Variants in CUBN observed in about 807,000 individuals in gnomAD.
CUBN encodes the protein cubilin.
Under a neutral mutation model 405.3 loss-of-function variants are expected in CUBN, and 282 were observed. That is an observed-to-expected ratio of 0.70 (90% CI 0.63 to 0.77). CUBN has a LOEUF of 0.77. Among genes scored for constraint, CUBN ranks in the 30% least tolerant of loss-of-function variants. CUBN has a pLI of 0.00. For missense variants in CUBN, 4,514 were observed against 4,475.2 expected (o/e 1.01, Z -0.25); for synonymous variants, 1,684 against 1,617.0 (o/e 1.04, Z -0.99).
At chr10:16,933,972 G>A (rs1842429326) in intron 39 of CUBN, among the ~76,000 whole-genome samples, 1 of 152,194 alleles carries the variant, frequency 6.6e-6, no homozygotes, top group South Asian at 2.1e-4. Flanking sequence ...CCCAGGTCCT[G>A]TGAAGACAAG....
At chr10:16,986,238 G>A (rs1440846745) in intron 29 of CUBN, among the ~76,000 whole-genome samples, 1 of 152,160 alleles carries the variant, frequency 6.6e-6, no homozygotes, top group African/African-American at 2.4e-5. Context: ...GGCTCTCAGG[G>A]GGATCTGGGC....
At chr10:17,069,027 C>T (rs373587229) in intron 19 of CUBN, among the ~76,000 whole-genome samples, 1 of 152,126 alleles carries the variant, frequency 6.6e-6, no homozygotes, top group East Asian at 1.9e-4. Context: ...ACATTTCAAA[C>T]AAAATGGGAT....
intron 23 of CUBN, among the ~76,000 whole-genome samples, 183 bp from the exon 24 acceptor site, chr10:17,046,277 T>C (rs967770379): frequency 6.6e-6 from 1 of 152,198 alleles, no homozygotes; most frequent in East Asian, 1.9e-4. Flanking sequence ...AAAATCATAT[T>C]TGAATGACTT....
At chr10:16,995,372 T>G (rs765616773) in intron 28 of CUBN, among the ~76,000 whole-genome samples, 3 of 152,256 alleles carry the variant, frequency 2.0e-5, no homozygotes, top group Admixed American at 6.5e-5. Flanking sequence ...CTTTCATCTA[T>G]AGCTGTATGA....
chr10:16,935,858 C>T (rs7085171), intron 39 of CUBN, among the ~76,000 whole-genome samples: 28,456 of 124,642 alleles, frequency 0.23, 2,993 homozygotes, highest in East Asian at 0.31. Flanking sequence ...CCAGCCTGGG[C>T]GACAGAGCGA....
rs1463103178 is a variant in CUBN at position 16,918,635 on chromosome 10, G to A, written c.6987C>T (p.Ala2329=). Residue 2329 remains alanine, a synonymous_variant, in exon 45 of 67, where the codon GCC becomes GCT. Transcript: ENST00000377833. ...AAAAATTATTACCTATAGAATACTT[G>A]GCCTTGAATCCCACATGTGTGGGGC... ...DNSPTHVGFK[A]KYSIAQCGGR... The A allele has an allele frequency of 6.2e-7, 1 of 1,613,264 alleles. No individual in the cohort carries two copies. Among genetic ancestry groups the A allele is most frequent in the South Asian group, 1.1e-5 (1 of 91,032 alleles).
At position 16,925,242 on chromosome 10, in the gene CUBN, T is replaced by A. The variant is rs1457176932; in HGVS notation, c.6645A>T (p.Leu2215Phe). The change falls in exon 43 of 67, where the codon TTA becomes TTT. Residue 2215 changes from leucine to phenylalanine, a missense_variant and splice_region_variant. By Grantham distance (22) the Leu-to-Phe change is conservative. Coordinates refer to ENST00000377833, the MANE Select transcript of CUBN (RefSeq NM_001081.4). The stretch of plus-strand genomic sequence containing the variant: ...ATAATTCTCAGTGAAAATACTTACC[T>A]AAACTCTTTGCCTCATATTTGATTT... ...GFKIKYEAKS[L>F]ACGGNVYIHD... 1 of 1,609,832 alleles carries A rather than the reference T, an allele frequency of 6.2e-7. No homozygotes were observed. The highest frequency in any genetic ancestry group is 8.5e-7 in the Non-Finnish European group (1 of 1,176,232).
chr10:17,095,901 T>C (rs1337293246), intron 14 of CUBN, among the ~76,000 whole-genome samples: 1 of 152,030 alleles, frequency 6.6e-6, no homozygotes, highest in Non-Finnish European at 1.5e-5. Flanking sequence ...AAAAGTGCAA[T>C]ATATAAATAC....
At chr10:17,034,877 C>T (rs1013809782) in intron 27 of CUBN, among the ~76,000 whole-genome samples, 1 of 152,058 alleles carries the variant, frequency 6.6e-6, no homozygotes, top group South Asian at 2.1e-4. Flanking sequence ...TATATGCTCT[C>T]TTCATATAAA....
chr10:16,994,737 A>G (rs1833684462), intron 28 of CUBN, among the ~76,000 whole-genome samples: 2 of 152,218 alleles, frequency 1.3e-5, no homozygotes, highest in African/African-American at 4.8e-5. Flanking sequence ...ATAATCTAAA[A>G]TAGATGACAA....
chr10:16,931,963 C>T (rs962103688), intron 40 of CUBN, among the ~76,000 whole-genome samples: 5 of 152,176 alleles, frequency 3.3e-5, no homozygotes, highest in Middle Eastern at 3.2e-3. Flanking sequence ...CAAGGATGCA[C>T]ATCCTTTCCA....
At chr10:16,983,968 G>T in intron 30 of CUBN, 137 bp downstream of exon 30, 1 of 899,788 alleles carries the variant, frequency 1.1e-6, no homozygotes. Context: ...AAGGGTATAT[G>T]TCAGGTCTCA....
chr10:16,952,220 T>C, intron 33 of CUBN, 56 bp downstream of exon 33: 1 of 1,290,694 alleles, frequency 7.7e-7, no homozygotes. Context: ...TAGACTGACC[T>C]TCCCACAGAC....
At chr10:16,926,607 G>C (rs769401021) in intron 41 of CUBN, among the ~76,000 whole-genome samples, 4 of 152,094 alleles carry the variant, frequency 2.6e-5, no homozygotes, top group Non-Finnish European at 5.9e-5. Flanking sequence ...TAGATACATT[G>C]TGAGGGTAGA....
chr10:17,065,138 C>T (rs958223207), intron 22 of CUBN, among the ~76,000 whole-genome samples: 1 of 139,800 alleles, frequency 7.2e-6, no homozygotes, highest in African/African-American at 2.9e-5. Flanking sequence ...CTCCCCCCCC[C>T]CCCACACACA....
At chr10:16,884,893 T>G (rs1840767743) in intron 56 of CUBN, among the ~76,000 whole-genome samples, 1 of 151,906 alleles carries the variant, frequency 6.6e-6, no homozygotes, top group Admixed American at 6.6e-5. Context: ...AAGTCAACAC[T>G]GGCTCTGCTG....
intron 55 of CUBN, among the ~76,000 whole-genome samples, chr10:16,890,105 G>T (rs1341276631): frequency 6.6e-6 from 1 of 152,028 alleles, no homozygotes; most frequent in Non-Finnish European, 1.5e-5. Context: ...AGCCATCTGC[G>T]CTTCTGCCCA....
chr10:16,915,911 A>C lies in CUBN; in HGVS notation c.7120T>G (p.Tyr2374Asp). Reference protein sequence around the residue: ...EWHLQGLSGHYLTISFEDFNL... With the variant: ...EWHLQGLSGHDLTISFEDFNL... ...AAGTCTTCAAAAGAGATGGTGAGAT[A>C]GTGTCCAGAGAGCCCCTGGAGATGC... Residue 2374 changes from tyrosine to aspartate, a missense_variant, in exon 46 of 67, where the codon TAT (tyrosine) becomes GAT (aspartate). This residue lies in a region of CUBN where 1,613 missense variants were observed against 1,542.8 expected (regional missense o/e 1.05). Coordinates refer to ENST00000377833, the MANE Select transcript of CUBN (RefSeq NM_001081.4). 1.9e-6 allele frequency: 3 copies of C among 1,614,186 alleles called. No individual in the cohort carries two copies. Among genetic ancestry groups the C allele is most frequent in the Non-Finnish European group, 2.5e-6 (3 of 1,179,996 alleles).
Position 16,862,193 on chromosome 10 carries a change from C to CACACACA in CUBN, c.9454+7442_9454+7443insTGTGTGT, listed in dbSNP as rs1448517605. ...ACACACACACACACACACACACACA[C>CACACACA]ATCACATCCCTGGGTATTTTTATCA... On this transcript the variant is annotated intron_variant, in intron 59 of 66. Coordinates refer to ENST00000377833, the MANE Select transcript of CUBN (RefSeq NM_001081.4). Among the ~76,000 whole-genome samples, 14 of 151,148 alleles carry CACACACA rather than the reference C, an allele frequency of 9.3e-5. No individual in the cohort carries two copies. In the South Asian group the frequency reaches 2.5e-3, roughly 27 times the overall value.
Sources: gnomAD v4.1 joint callset for allele counts (sites outside exome capture counted in the v4.1 genomes callset) on GRCh38, gnomAD v4.1.1 for gene constraint, gnomAD v4.1.1 regional missense constraint, MANE v1.5 for transcripts, NCBI Gene and HGNC (gene_info 2026-07-23, HGNC 2026-07-21) for gene names.